TRIO: variants seen among roughly 807,000 people sequenced by gnomAD.
TRIO encodes the protein triple functional domain protein.
A neutral mutation model predicts 351.9 loss-of-function variants in TRIO; 58 were observed. The ratio of observed to expected loss-of-function variants is 0.16; its 90% CI spans 0.13 to 0.21. The LOEUF is 0.21. TRIO is among the 10% of genes least tolerant of loss of function. The probability of loss-of-function intolerance (pLI) is 1.00; values close to 1 mark genes in which losing one functional copy is unlikely to be tolerated. For synonymous variants in TRIO, 1,758 were observed against 1,595.7 expected, an observed-to-expected ratio of 1.10 and a Z score of -2.42; for missense variants, 3,201 against 4,027.8, an observed-to-expected ratio of 0.79 and a Z score of 5.56.
chr5:14,261,281 TGAGTCCCAGGC>T (rs780841325), intron 1 of TRIO, among the ~76,000 whole-genome samples: 19 of 152,234 alleles, frequency 1.2e-4, no homozygotes, highest in Non-Finnish European at 2.4e-4. Context: ...GTACTCACAG[TGAGTCCCAGGC>T]AGGATTTCGT....
intron 1 of TRIO, among the ~76,000 whole-genome samples, chr5:14,263,187 CAT>C (rs1405348688): frequency 1.3e-5 from 2 of 152,308 alleles, no homozygotes; most frequent in African/African-American, 4.8e-5. Context: ...ACTGACAACT[CAT>C]ATGTGTTGCT....
At chr5:14,473,570 ATT>A (rs1754835477) in intron 39 of TRIO, among the ~76,000 whole-genome samples, 1 of 152,260 alleles carries the variant, frequency 6.6e-6, no homozygotes, top group East Asian at 1.9e-4. Flanking sequence ...TAAAAAGAAT[ATT>A]GTTAAACCCT....
At chr5:14,204,575 T>G (rs1791343167) in intron 1 of TRIO, among the ~76,000 whole-genome samples, 1 of 152,092 alleles carries the variant, frequency 6.6e-6, no homozygotes, top group Non-Finnish European at 1.5e-5. Context: ...AATAGCTAAT[T>G]AAGTAGAGAT....
At chr5:14,218,579 G>A (rs983459022) in intron 1 of TRIO, among the ~76,000 whole-genome samples, 47 of 152,316 alleles carry the variant, frequency 3.1e-4, no homozygotes, top group African/African-American at 1.1e-3. Context: ...AAAGTCTCAG[G>A]CAAGTCTTAA....
At chr5:14,388,501 AATCT>A (rs1411708507) in intron 23 of TRIO, 108 bp from the exon 24 acceptor site, 3 of 1,021,404 alleles carry the variant, frequency 2.9e-6, no homozygotes, top group Non-Finnish European at 4.4e-6. Context: ...CAAAATGATC[AATCT>A]AAGACTAATA....
At chr5:14,500,966 A>G (rs904346783) in intron 53 of TRIO, among the ~76,000 whole-genome samples, 4 of 150,352 alleles carry the variant, frequency 2.7e-5, no homozygotes, top group African/African-American at 9.8e-5. Flanking sequence ...GCACCTGCCC[A>G]CTATGATGCT....
intron 29 of TRIO, among the ~76,000 whole-genome samples, chr5:14,398,314 A>C (rs1561440828): frequency 1.3e-5 from 2 of 152,228 alleles, no homozygotes; most frequent in African/African-American, 4.8e-5. Flanking sequence ...AATGATTCAC[A>C]TGCAGACTGT....
intron 4 of TRIO, among the ~76,000 whole-genome samples, chr5:14,288,799 C>T (rs1244366569): frequency 6.6e-6 from 1 of 152,138 alleles, no homozygotes; most frequent in Non-Finnish European, 1.5e-5. Flanking sequence ...ACCAGCACGC[C>T]GGACCAGCCC....
At chr5:14,300,371 T>C (rs1737771935) in intron 7 of TRIO, among the ~76,000 whole-genome samples, 1 of 152,220 alleles carries the variant, frequency 6.6e-6, no homozygotes, top group African/African-American at 2.4e-5. Flanking sequence ...AGCAAGATGA[T>C]AAAATCATTT....
intron 6 of TRIO, among the ~76,000 whole-genome samples, chr5:14,296,754 G>A (rs1305515105): frequency 6.6e-6 from 1 of 152,160 alleles, no homozygotes. Context: ...TTCAGTATTT[G>A]AAGCCAAGAA....
Position 14,330,683 on chromosome 5 carries a change from T to C in TRIO, c.1732-95T>C, listed in dbSNP as rs1431232079. ...CGTTTGCTTCTTGTTTCTTACAGAG[T>C]TTTAACAACAGAAGGGGTCTTCATT... On this transcript the variant is annotated intron_variant, in intron 9 of 56. Transcript: ENST00000344204. 2.1e-6 allele frequency: 3 copies of C among 1,408,158 alleles called. No homozygotes were observed. In the Admixed American group the frequency reaches 7.4e-5, roughly 35 times the overall value. The allele number at this position is 1,408,158 out of a possible 1,614,324, so 87.2% of individuals were successfully genotyped here. A position where few individuals can be genotyped will look rare whatever the true frequency, so the allele number is the denominator to read the frequency against.
At chr5:14,435,290 C>T (rs1751491797) in intron 34 of TRIO, among the ~76,000 whole-genome samples, 1 of 152,176 alleles carries the variant, frequency 6.6e-6, no homozygotes, top group African/African-American at 2.4e-5. Context: ...TCCCAGGTTC[C>T]ACACAGGAAG....
chr5:14,253,718 G>A (rs1180103367), intron 1 of TRIO, among the ~76,000 whole-genome samples: 1 of 152,196 alleles, frequency 6.6e-6, no homozygotes, highest in African/African-American at 2.4e-5. Flanking sequence ...TGGTCCCAGG[G>A]ACCCCTTGGG....
At chr5:14,179,440 T>C (rs1789613666) in intron 1 of TRIO, among the ~76,000 whole-genome samples, 2 of 151,772 alleles carry the variant, frequency 1.3e-5, no homozygotes, top group Non-Finnish European at 2.9e-5. Flanking sequence ...TTTAAATAAA[T>C]CAACAAAGCT....
intron 10 of TRIO, among the ~76,000 whole-genome samples, chr5:14,336,190 G>T (rs891188132): frequency 6.6e-6 from 1 of 152,190 alleles, no homozygotes; most frequent in South Asian, 2.1e-4. Flanking sequence ...AAGAAAAAGT[G>T]AAGCAGGCAT....
chr5:14,353,270 C>CTTT (rs35179690), intron 11 of TRIO, among the ~76,000 whole-genome samples: 10 of 117,300 alleles, frequency 8.5e-5, no homozygotes, highest in Non-Finnish European at 1.2e-4. Context: ...TTCTAAGCAA[C>CTTT]TTTTTTTTTT....
chr5:14,384,009 C>A (rs542794330), intron 21 of TRIO, among the ~76,000 whole-genome samples: 1 of 152,298 alleles, frequency 6.6e-6, no homozygotes, highest in East Asian at 1.9e-4. Flanking sequence ...CGCTGAGACT[C>A]GGCTCGGTCC....
chr5:14,498,052 G>T (rs747250310), intron 51 of TRIO, 37 bp from the exon 52 acceptor site: 1 of 1,613,780 alleles, frequency 6.2e-7, no homozygotes. Flanking sequence ...GGAGGAGCCA[G>T]GGCTGATGGG....
rs768782698 is a variant in TRIO at position 14,291,019 on chromosome 5, C to G, written c.844C>G (p.Leu282Val). Reference protein sequence around the residue: ...IEDLDLEGQKLLQRIQSSESF... With the variant: ...IEDLDLEGQKVLQRIQSSESF... ...GGACCTGGATTTGGAGGGACAGAAG[C>G]TGCTTCAGAGGATACAGAGCAGTGA... The change falls in exon 5 of 57, where the codon CTG becomes GTG. Residue 282 changes from leucine (L) to valine (V), a missense_variant. Leu to Val is a conservative substitution (Grantham distance 32). Coordinates refer to ENST00000344204, the MANE Select transcript of TRIO (RefSeq NM_007118.4). 1 of 1,614,202 alleles carries G rather than the reference C, an allele frequency of 6.2e-7. No individual in the cohort carries two copies. The highest frequency in any genetic ancestry group is 8.5e-7 in the Non-Finnish European group (1 of 1,180,042).
Sources: gnomAD v4.1 joint callset for allele counts (sites outside exome capture counted in the v4.1 genomes callset) on GRCh38, gnomAD v4.1.1 for gene constraint, MANE v1.5 for transcripts, NCBI Gene and HGNC (gene_info 2026-07-23, HGNC 2026-07-21) for gene names.